TTC21B: variants seen among roughly 807,000 people sequenced by gnomAD.
TTC21B encodes the protein tetratricopeptide repeat domain 21B.
Under a neutral mutation model 175.1 loss-of-function variants are expected in TTC21B, and 127 were observed. The observed-to-expected ratio is 0.73, with a 90% CI of 0.63 to 0.84. The LOEUF (loss-of-function observed/expected upper bound fraction) is 0.84. Among genes scored for constraint, TTC21B ranks in the 40% least tolerant of loss-of-function variants. The pLI, the probability that TTC21B is intolerant of heterozygous loss-of-function variation, is 0.00. For synonymous variants in TTC21B, 524 were observed against 524.5 expected (o/e 1.00, Z 0.01); for missense variants, 1,561 against 1,558.3 (o/e 1.00, Z -0.03).
rs1404480311 is a variant in TTC21B, at chr2:165,945,071, C to T, written c.429+453G>A. Among the ~76,000 whole-genome samples the T allele has an allele frequency of 2.0e-5, 3 of 152,264 alleles. No homozygotes were observed. The East Asian group carries it at 5.8e-4, about 29-fold the overall frequency. ...ATCTCTCATATCATCTATCATTTTT[C>T]TCACAATATTAGCTGGGGATGTGCT... On this transcript the variant is annotated intron_variant, in intron 4 of 28. Coordinates refer to ENST00000243344, the MANE Select transcript of TTC21B (RefSeq NM_024753.5).
intron 14 of TTC21B, 104 bp downstream of exon 14, chr2:165,917,153 A>G (rs1450092694): frequency 9.2e-7 from 1 of 1,083,150 alleles, no homozygotes; most frequent in African/African-American, 1.6e-5. Context: ...TGCTGGGATT[A>G]CAGGTGTGAG....
At chr2:165,884,193 A>AT (rs1684933719) in intron 25 of TTC21B, among the ~76,000 whole-genome samples, 175 bp from the exon 26 acceptor site, 1 of 152,348 alleles carries the variant, frequency 6.6e-6, no homozygotes, top group East Asian at 1.9e-4. Flanking sequence ...TCAAGCTACT[A>AT]TGAAGAAAAC....
At chr2:165,893,825 C>A (rs1002475451) in intron 22 of TTC21B, among the ~76,000 whole-genome samples, 1 of 151,814 alleles carries the variant, frequency 6.6e-6, no homozygotes, top group Non-Finnish European at 1.5e-5. Context: ...AGAAGGCATG[C>A]GCCAAGAGGG....
intron 15 of TTC21B, among the ~76,000 whole-genome samples, chr2:165,914,250 A>T (rs1288956637): frequency 6.6e-6 from 1 of 152,212 alleles, no homozygotes; most frequent in Admixed American, 6.5e-5. Context: ...CCAGTTTTAC[A>T]GATGATGTTA....
At chr2:165,882,554 G>C (rs1298846941) in intron 26 of TTC21B, among the ~76,000 whole-genome samples, 1 of 151,900 alleles carries the variant, frequency 6.6e-6, no homozygotes, top group Non-Finnish European at 1.5e-5. Flanking sequence ...TAATCATCAT[G>C]GATAGCTTCC....
At chr2:165,933,106 T>C (rs766094228) in intron 6 of TTC21B, 49 bp from the exon 7 acceptor site, 16 of 1,551,124 alleles carry the variant, frequency 1.0e-5, no homozygotes, top group Non-Finnish European at 1.4e-5. Flanking sequence ...ATATATTTTC[T>C]TTTATTCGAG....
At chr2:165,875,100 C>T (rs1379802756) in intron 28 of TTC21B, among the ~76,000 whole-genome samples, 1 of 152,034 alleles carries the variant, frequency 6.6e-6, no homozygotes, top group East Asian at 1.9e-4. Flanking sequence ...TTGTATAAAA[C>T]AATTATGTAT....
chr2:165,878,244 C>T (rs757173724), intron 27 of TTC21B, among the ~76,000 whole-genome samples: 11 of 152,024 alleles, frequency 7.2e-5, no homozygotes, highest in Non-Finnish European at 8.8e-5. Flanking sequence ...TGACCTGGTA[C>T]AAAAATTTCA....
At chr2:165,938,497 T>C (rs1179267592) in intron 6 of TTC21B, among the ~76,000 whole-genome samples, 2 of 151,922 alleles carry the variant, frequency 1.3e-5, no homozygotes, top group Non-Finnish European at 2.9e-5. Context: ...ATGAAGTAAT[T>C]GCCAAAACAA....
In TTC21B at chr2:165,917,326, T is replaced by G; in HGVS notation, c.1830A>C (p.Glu610Asp). Residue 610 changes from glutamate to aspartate, a missense_variant, in exon 14 of 29, where the codon GAA becomes GAC. Transcript: ENST00000243344. ...ASTKSKDRKTEVDTSHRLSIF... is the reference protein window; with the variant it reads ...ASTKSKDRKTDVDTSHRLSIF... Reference sequence around the variant, plus strand: ...TCGATAAACGATGGCTTGTATCAACTTCAGTTTTTCTGTCTTTTGATTTTG... The same window carrying G: ...TCGATAAACGATGGCTTGTATCAACGTCAGTTTTTCTGTCTTTTGATTTTG... The G allele has an allele frequency of 6.2e-7, 1 of 1,614,224 alleles. No homozygotes were observed. Among genetic ancestry groups the G allele is most frequent in the Non-Finnish European group, 8.5e-7 (1 of 1,180,034 alleles).
chr2:165,910,127 G>C (rs1198347632), intron 18 of TTC21B, among the ~76,000 whole-genome samples: 1 of 152,206 alleles, frequency 6.6e-6, no homozygotes, highest in Non-Finnish European at 1.5e-5. Flanking sequence ...TCTTAGGCCA[G>C]GCGCGGTGGC....
At chr2:165,909,514 T>C (rs898156291) in intron 18 of TTC21B, among the ~76,000 whole-genome samples, 4 of 152,038 alleles carry the variant, frequency 2.6e-5, no homozygotes, top group African/African-American at 9.7e-5. Flanking sequence ...AGAATATAAA[T>C]TAAAAATTCC....
intron 27 of TTC21B, among the ~76,000 whole-genome samples, chr2:165,878,938 T>C (rs913545364): frequency 1.3e-5 from 2 of 152,088 alleles, no homozygotes; most frequent in African/African-American, 4.8e-5. Context: ...CACCTCGGCC[T>C]CCCAAAGTGT....
At chr2:165,896,248 A>C (rs1411873439) in intron 22 of TTC21B, among the ~76,000 whole-genome samples, 2 of 152,094 alleles carry the variant, frequency 1.3e-5, no homozygotes, top group Non-Finnish European at 2.9e-5. Context: ...AGTAACATAC[A>C]GTCATGTATT....
In TTC21B at chr2:165,929,180, GA is replaced by G; in HGVS notation, c.1340del (p.Phe447SerfsTer3). On this transcript the variant is annotated frameshift_variant, in exon 11 of 29. Coordinates refer to ENST00000243344, the MANE Select transcript of TTC21B (RefSeq NM_024753.5). LOFTEE classifies it high-confidence loss of function. ...IQYFEKLNPD[F>X]LLEIVMEYLS... is the part of the protein sequence containing the mutation. ...GATACTCCATAACAATTTCTAACAA[GA>G]AATCAGGATTTAGCTTTTCAAAATA... 2 of 1,612,908 alleles carry G rather than the reference GA, an allele frequency of 1.2e-6. No homozygotes were observed. The highest frequency in any genetic ancestry group is 1.7e-6 in the Non-Finnish European group (2 of 1,179,262).
chr2:165,936,451 T>C (rs779023191), intron 6 of TTC21B, among the ~76,000 whole-genome samples: 2 of 151,648 alleles, frequency 1.3e-5, no homozygotes, highest in African/African-American at 4.8e-5. Flanking sequence ...AAAGAAAGAG[T>C]TGATAAGCTG....
chr2:165,897,272 C>T (rs572155342), intron 22 of TTC21B, among the ~76,000 whole-genome samples: 94 of 152,236 alleles, frequency 6.2e-4, no homozygotes, highest in African/African-American at 2.1e-3. Context: ...GTTATGACGA[C>T]GCTGCAATAA....
intron 15 of TTC21B, among the ~76,000 whole-genome samples, chr2:165,914,676 T>TGTGTGTGTGTGTGTGTGCGCGCGCGC (rs1553511307): frequency 2.5e-5 from 3 of 118,380 alleles, no homozygotes; most frequent in Admixed American, 1.5e-4. Flanking sequence ...TGTGTGTGTG[T>TGTGTGTGTGTGTGTGTGCGCGCGCGC]GTGTGTGTGT....
chr2:165,901,626 ATCT>A (rs2105305872), intron 20 of TTC21B, 93 bp downstream of exon 20: 11 of 1,258,330 alleles, frequency 8.7e-6, no homozygotes, highest in Non-Finnish European at 1.3e-5. Flanking sequence ...CCCTGCCTAC[ATCT>A]TCTTTTAAAA....
Sources: allele counts gnomAD v4.1 joint callset (sites outside exome capture counted in the v4.1 genomes callset), GRCh38; gene constraint gnomAD v4.1.1; transcripts MANE v1.5; gene names NCBI Gene and HGNC (gene_info 2026-07-23, HGNC 2026-07-21).